The following CPNE4 variants were observed in gnomAD, a reference collection of about 807,000 sequenced individuals.
CPNE4 encodes the protein copine 4.
A neutral mutation model predicts 67.9 loss-of-function variants in CPNE4; 25 were observed. The ratio of observed to expected loss-of-function variants is 0.37; its 90% CI spans 0.27 to 0.51. The LOEUF (loss-of-function observed/expected upper bound fraction) is 0.51, where lower values mean the gene tolerates loss of function less well. Among genes scored for constraint, CPNE4 ranks in the 20% least tolerant of loss-of-function variants. The pLI, the probability that CPNE4 is intolerant of heterozygous loss-of-function variation, is 0.93. For missense variants in CPNE4, 464 were observed against 690.8 expected (o/e 0.67, Z 3.68); for synonymous variants, 242 against 244.9 (o/e 0.99, Z 0.11).
chr3:131,941,841 C>A (rs1238177087), intron 1 of CPNE4, among the ~76,000 whole-genome samples: 1 of 151,964 alleles, frequency 6.6e-6, no homozygotes, highest in African/African-American at 2.4e-5. Flanking sequence ...AACCCTTTGA[C>A]AATATAAGAC....
chr3:132,011,717 T>A (rs2073767704), intron 1 of CPNE4, among the ~76,000 whole-genome samples: 1 of 152,244 alleles, frequency 6.6e-6, no homozygotes, highest in Non-Finnish European at 1.5e-5. Flanking sequence ...TAATACTGCA[T>A]GTGACTTCTG....
chr3:131,647,306 G>T (rs2079691254), intron 7 of CPNE4, among the ~76,000 whole-genome samples: 1 of 152,152 alleles, frequency 6.6e-6, no homozygotes, highest in African/African-American at 2.4e-5. Flanking sequence ...ACTGCCAAGG[G>T]TTACTGTAGA....
intron 1 of CPNE4, among the ~76,000 whole-genome samples, chr3:131,942,184 T>C (rs925352660): frequency 1.3e-5 from 2 of 152,016 alleles, no homozygotes; most frequent in Admixed American, 1.3e-4. Context: ...ATTGAGAAAA[T>C]CAACAAATAT....
chr3:131,824,615 T>G (rs2085083728), intron 2 of CPNE4, among the ~76,000 whole-genome samples: 1 of 152,170 alleles, frequency 6.6e-6, no homozygotes. Context: ...AGTAAGCCTG[T>G]GTAGACTTCT....
At chr3:131,768,541 G>A (rs2083082195) in intron 2 of CPNE4, among the ~76,000 whole-genome samples, 1 of 152,146 alleles carries the variant, frequency 6.6e-6, no homozygotes, top group African/African-American at 2.4e-5. Flanking sequence ...TGAACTGGCT[G>A]AGATTTTGGC....
intron 2 of CPNE4, among the ~76,000 whole-genome samples, chr3:131,803,320 G>A (rs189533982): frequency 7.8e-4 from 119 of 152,262 alleles, no homozygotes; most frequent in Admixed American, 7.7e-3. Flanking sequence ...AACAGGAAAT[G>A]CTAACTCTCT....
intron 2 of CPNE4, among the ~76,000 whole-genome samples, chr3:131,772,842 G>C (rs1224774308): frequency 6.6e-6 from 1 of 152,122 alleles, no homozygotes; most frequent in Non-Finnish European, 1.5e-5. Context: ...TGCCCAGTGA[G>C]CCCTGTTTAC....
intron 2 of CPNE4, among the ~76,000 whole-genome samples, chr3:131,858,025 C>CAT (rs1047070045): frequency 6.6e-6 from 1 of 151,798 alleles, no homozygotes; most frequent in African/African-American, 2.4e-5. Context: ...TTAGAATAAC[C>CAT]ATATATATAT....
intron 1 of CPNE4, among the ~76,000 whole-genome samples, chr3:131,978,561 C>T (rs1213544514): frequency 1.3e-5 from 1 of 74,534 alleles, no homozygotes; most frequent in Non-Finnish European, 2.5e-5. Flanking sequence ...TATATATATG[C>T]CACAGTTTCT....
chr3:131,817,412 G>A (rs2084786608), intron 2 of CPNE4, among the ~76,000 whole-genome samples: 1 of 152,162 alleles, frequency 6.6e-6, no homozygotes, highest in Non-Finnish European at 1.5e-5. Context: ...TCAAGAAACA[G>A]CAAGGAAGTC....
intron 2 of CPNE4, among the ~76,000 whole-genome samples, chr3:131,730,000 C>G (rs2082091189): frequency 6.6e-6 from 1 of 152,200 alleles, no homozygotes; most frequent in Non-Finnish European, 1.5e-5. Flanking sequence ...TTCTTCAAGC[C>G]TTACCCTCAT....
At chr3:132,000,319 A>C (rs1461114639) in intron 1 of CPNE4, among the ~76,000 whole-genome samples, 1 of 151,962 alleles carries the variant, frequency 6.6e-6, no homozygotes, top group African/African-American at 2.4e-5. Flanking sequence ...CCCAGTCACA[A>C]TGTGGTGCTT....
At chr3:131,863,803 T>C (rs2086802670) in intron 2 of CPNE4, among the ~76,000 whole-genome samples, 2 of 152,270 alleles carry the variant, frequency 1.3e-5, no homozygotes, top group South Asian at 2.1e-4. Context: ...TGAATGGTAT[T>C]GCCTAAGTTT....
chr3:131,936,816 C>A (rs371454075), intron 1 of CPNE4, among the ~76,000 whole-genome samples: 1 of 151,170 alleles, frequency 6.6e-6, no homozygotes, highest in Non-Finnish European at 1.5e-5. Flanking sequence ...GACAATAGAT[C>A]GAAAAATAAC....
intron 1 of CPNE4, among the ~76,000 whole-genome samples, chr3:131,985,118 C>A (rs2073010510): frequency 6.6e-6 from 1 of 152,198 alleles, no homozygotes; most frequent in African/African-American, 2.4e-5. Flanking sequence ...AGAGTGTCAA[C>A]TTCTCATTGT....
intron 5 of CPNE4, among the ~76,000 whole-genome samples, chr3:131,689,674 C>A (rs1290581741): frequency 6.6e-6 from 1 of 152,212 alleles, no homozygotes; most frequent in African/African-American, 2.4e-5. Flanking sequence ...CATGTCAACT[C>A]TCACCATTCC....
chr3:131,794,990 T>C (rs1303550763), intron 2 of CPNE4, among the ~76,000 whole-genome samples: 1 of 152,246 alleles, frequency 6.6e-6, no homozygotes, highest in African/African-American at 2.4e-5. Context: ...AACACTGCCA[T>C]CTGTCGTGGC....
intron 2 of CPNE4, among the ~76,000 whole-genome samples, chr3:131,764,070 T>C (rs1464328581): frequency 6.6e-6 from 1 of 152,116 alleles, no homozygotes; most frequent in East Asian, 1.9e-4. Context: ...TTTAATAACT[T>C]GCCCAAAGTC....
intron 1 of CPNE4, among the ~76,000 whole-genome samples, chr3:131,972,561 C>T (rs1045978709): frequency 1.3e-5 from 2 of 152,084 alleles, no homozygotes; most frequent in African/African-American, 2.4e-5. Context: ...CAAACGGTGC[C>T]CCTCACATCC....
Sources: gnomAD v4.1 joint callset for allele counts (sites outside exome capture counted in the v4.1 genomes callset) on GRCh38, gnomAD v4.1.1 for gene constraint, MANE v1.5 for transcripts, NCBI Gene and HGNC (gene_info 2026-07-23, HGNC 2026-07-21) for gene names.